FHIT: variants seen among roughly 807,000 people sequenced by gnomAD.
FHIT encodes the protein bis(5'-adenosyl)-triphosphatase.
In FHIT, 19 loss-of-function variants were observed where a neutral mutation model predicts 17.9. The observed-to-expected ratio is 1.06, with a 90% confidence interval of 0.74 to 1.56. The LOEUF (loss-of-function observed/expected upper bound fraction) is 1.56. Ranked by LOEUF, FHIT falls within the 40% of genes most tolerant of loss-of-function variation. The probability of loss-of-function intolerance (pLI) is 0.00; values close to 1 mark genes in which losing one functional copy is unlikely to be tolerated. For missense variants in FHIT, 248 were observed against 189.2 expected (o/e 1.31, Z -1.82); for synonymous variants, 81 against 69.7 (o/e 1.16, Z -0.81).
At chr3:60,882,271 A>C (rs1195347136) in intron 3 of FHIT, among the ~76,000 whole-genome samples, 1 of 152,154 alleles carries the variant, frequency 6.6e-6, no homozygotes, top group Non-Finnish European at 1.5e-5. Context: ...AGGACCTGAT[A>C]GCTTCACTAC....
chr3:61,061,258 G>T (rs980509530), intron 2 of FHIT, among the ~76,000 whole-genome samples: 1 of 152,050 alleles, frequency 6.6e-6, no homozygotes, highest in Non-Finnish European at 1.5e-5. Flanking sequence ...AGTTTCAGTC[G>T]GTTGGTTTTG....
intron 2 of FHIT, among the ~76,000 whole-genome samples, chr3:61,083,743 GAT>G (rs768230326): frequency 1.3e-3 from 203 of 152,248 alleles, no homozygotes; most frequent in Middle Eastern, 3.4e-3. Flanking sequence ...GGAATTATAT[GAT>G]ATGTGTTTTT....
chr3:60,121,504 G>A (rs1420272086), intron 5 of FHIT, among the ~76,000 whole-genome samples: 21 of 151,902 alleles, frequency 1.4e-4, no homozygotes. Context: ...TGGCCAACAT[G>A]GTGAGATCCC....
At chr3:60,679,425 T>C (rs1372769208) in intron 4 of FHIT, among the ~76,000 whole-genome samples, 3 of 152,194 alleles carry the variant, frequency 2.0e-5, no homozygotes, top group Non-Finnish European at 4.4e-5. Flanking sequence ...TAAACATTGA[T>C]AGTGTTTTTA....
At chr3:60,459,093 T>C (rs1433907487) in intron 5 of FHIT, among the ~76,000 whole-genome samples, 2 of 152,094 alleles carry the variant, frequency 1.3e-5, no homozygotes, top group Admixed American at 6.6e-5. Context: ...ATTTTTATCG[T>C]TGGTGGAAAG....
At chr3:60,515,525 C>G (rs1250358681) in intron 5 of FHIT, among the ~76,000 whole-genome samples, 2 of 151,370 alleles carry the variant, frequency 1.3e-5, no homozygotes, top group Non-Finnish European at 2.9e-5. Context: ...CTGTCATAGA[C>G]CTGGCTCTGC....
At chr3:60,991,398 T>C (rs368165480) in intron 3 of FHIT, among the ~76,000 whole-genome samples, 106 of 152,240 alleles carry the variant, frequency 7.0e-4, no homozygotes, top group African/African-American at 2.3e-3. Context: ...TTTATATTAA[T>C]GACAAGGACA....
intron 7 of FHIT, among the ~76,000 whole-genome samples, chr3:59,990,159 T>C (rs1053238771): frequency 1.3e-5 from 2 of 152,134 alleles, no homozygotes; most frequent in African/African-American, 4.8e-5. Context: ...TATATTTTTA[T>C]GTATTTTCGA....
At chr3:60,889,972 GCT>G (rs1327228439) in intron 3 of FHIT, among the ~76,000 whole-genome samples, 9 of 152,190 alleles carry the variant, frequency 5.9e-5, no homozygotes, top group African/African-American at 2.2e-4. Context: ...GCTAGCTCCA[GCT>G]CAGTTTTTTA....
chr3:60,748,415 G>T lies in FHIT; in HGVS notation c.-18+73504C>A, dbSNP rs376256214. 1.6e-3 allele frequency among the ~76,000 whole-genome samples: 246 copies of T among 152,242 alleles called. 1 individual carries two copies. Among genetic ancestry groups the T allele is most frequent in the Non-Finnish European group, 2.9e-3 (198 of 68,004 alleles). On this transcript the variant is annotated intron_variant, in intron 4 of 9. Transcript: ENST00000492590. ...TTGCCTGGGTATCCATGGGGAATTG[G>T]TTCCAGGACCCTCTCTCGCCCTCCA...
intron 2 of FHIT, among the ~76,000 whole-genome samples, chr3:61,144,523 T>C (rs1242078373): frequency 6.6e-6 from 1 of 152,222 alleles, no homozygotes; most frequent in Non-Finnish European, 1.5e-5. Context: ...AGTTTTTGTG[T>C]GGATATGTTT....
chr3:60,350,262 T>C, intron 5 of FHIT, among the ~76,000 whole-genome samples: 1 of 151,972 alleles, frequency 6.6e-6, no homozygotes, highest in Non-Finnish European at 1.5e-5. Context: ...AGGGAAAACT[T>C]GGTAATAGTG....
Position 60,988,895 on chromosome 3 carries a change from C to T in FHIT, c.-111+53152G>A, listed in dbSNP as rs941037000. On this transcript the variant is annotated intron_variant, in intron 3 of 9. Transcript: ENST00000492590. ...TGTAGAATATAACCATGATTCTAAA[C>T]GATACTTGTTAAAAGGCTTTTTTTT... Among the ~76,000 whole-genome samples the T allele has an allele frequency of 1.7e-4, 19 of 108,970 alleles. 1 individual carries two copies. The South Asian group carries it at 2.3e-3, about 13-fold the overall frequency. 71.5% of individuals were successfully genotyped at this position (108,970 alleles called of 152,430 possible). A position where few individuals can be genotyped will look rare whatever the true frequency, so the allele number is the denominator to read the frequency against.
chr3:61,083,014 C>T (rs149818632), intron 2 of FHIT, among the ~76,000 whole-genome samples: 176 of 152,166 alleles, frequency 1.2e-3, no homozygotes, highest in African/African-American at 4.0e-3. Flanking sequence ...GATCTGAATA[C>T]TAGTCCTTTG....
chr3:61,165,492 T>G (rs1179908706), intron 2 of FHIT: 1 of 152,198 alleles, frequency 6.6e-6, no homozygotes, highest in African/African-American at 2.4e-5. Flanking sequence ...AGTTACTTGT[T>G]TTTTGCCTGT....
intron 4 of FHIT, among the ~76,000 whole-genome samples, chr3:60,673,036 C>T (rs1338407079): frequency 1.3e-5 from 2 of 152,090 alleles, no homozygotes; most frequent in Non-Finnish European, 2.9e-5. Context: ...TATGCTGTCA[C>T]ATGTTTTACT....
intron 3 of FHIT, among the ~76,000 whole-genome samples, chr3:60,837,203 A>G (rs1318176075): frequency 6.6e-6 from 1 of 152,162 alleles, no homozygotes; most frequent in Non-Finnish European, 1.5e-5. Flanking sequence ...ATATATGGTG[A>G]AAAAGGGAGG....
chr3:60,521,461 A>T (rs935134591), intron 5 of FHIT, among the ~76,000 whole-genome samples: 4 of 151,984 alleles, frequency 2.6e-5, no homozygotes, highest in Admixed American at 2.6e-4. Flanking sequence ...GTTAGCCAGG[A>T]TGGTCTCGAT....
chr3:60,132,864 C>T (rs1490543876), intron 5 of FHIT, among the ~76,000 whole-genome samples: 1 of 152,106 alleles, frequency 6.6e-6, no homozygotes, highest in Non-Finnish European at 1.5e-5. Context: ...CTAAACCCAC[C>T]ATCTAACACC....
Sources: allele counts gnomAD v4.1 joint callset (sites outside exome capture counted in the v4.1 genomes callset), GRCh38; gene constraint gnomAD v4.1.1; transcripts MANE v1.5; gene names NCBI Gene and HGNC (gene_info 2026-07-23, HGNC 2026-07-21).